Variants in MADCAM1 observed in about 807,000 individuals in gnomAD.
The protein encoded by MADCAM1 is mucosal vascular addressin cell adhesion molecule 1.
In MADCAM1, 19 loss-of-function variants were observed where a neutral mutation model predicts 26.1. The ratio of observed to expected loss-of-function variants is 0.73; its 90% CI spans 0.51 to 1.07. The LOEUF is 1.07. Among genes scored for constraint, MADCAM1 ranks in the 50% least tolerant of loss-of-function variants. MADCAM1 has a pLI of 0.00. For missense variants in MADCAM1, 514 were observed against 542.1 expected, an observed-to-expected ratio of 0.95 and a Z score of 0.51; for synonymous variants, 268 against 260.9, an observed-to-expected ratio of 1.03 and a Z score of -0.26.
At chr19:500,075 CCCCAT>C in intron 3 of MADCAM1, 1 of 455,886 alleles carries the variant, frequency 2.2e-6, no homozygotes, top group Non-Finnish European at 4.4e-6. Context: ...GCCTCAGTCT[CCCCAT>C]CAGTCCCACA....
At position 503,105 on chromosome 19, in the gene MADCAM1, G is replaced by C. The variant is rs527961221; in HGVS notation, c.928+1176G>C. ...AGAGTAAGAAGCTATTATTTCTAGTGTCTATGTCTATTATTTTATTTGTAA... is the reference window on the plus strand; with the variant it reads ...AGAGTAAGAAGCTATTATTTCTAGTCTCTATGTCTATTATTTTATTTGTAA... On this transcript the variant is annotated intron_variant, in intron 4 of 4. Coordinates refer to ENST00000215637, the MANE Select transcript of MADCAM1 (RefSeq NM_130760.3). 2.3e-3 allele frequency among the ~76,000 whole-genome samples: 345 copies of C among 152,314 alleles called. 1 individual carries two copies. Among genetic ancestry groups the C allele is most frequent in the Non-Finnish European group, 4.2e-3 (286 of 68,030 alleles).
chr19:501,981 G>A, intron 4 of MADCAM1, 52 bp downstream of exon 4: 3 of 1,433,250 alleles, frequency 2.1e-6, no homozygotes, highest in African/African-American at 1.4e-5. Context: ...GAGAGCGAGA[G>A]GTTCCTTGGA....
In MADCAM1 at chr19:505,045, C is replaced by G; in HGVS notation, c.*80C>G. ...GAACTGGTCAGGGCAAACCTGCCTCCCATTCTACTCAAAGTCATCCCTCTG... is the reference window on the plus strand; with the variant it reads ...GAACTGGTCAGGGCAAACCTGCCTCGCATTCTACTCAAAGTCATCCCTCTG... On this transcript the variant is annotated 3_prime_UTR_variant, in exon 5 of 5. Coordinates refer to ENST00000215637, the MANE Select transcript of MADCAM1 (RefSeq NM_130760.3). 1 of 1,012,226 alleles carries G rather than the reference C, an allele frequency of 9.9e-7. No individual in the cohort carries two copies. Among genetic ancestry groups the G allele is most frequent in the South Asian group, 1.7e-5 (1 of 59,662 alleles). The allele number at this position is 1,012,226 out of a possible 1,614,324, so 62.7% of individuals were successfully genotyped here.
At position 504,731 on chromosome 19, in the gene MADCAM1, C is replaced by T; in HGVS notation, c.929-14C>T. 1.1e-5 allele frequency: 18 copies of T among 1,585,246 alleles called. No homozygotes were observed. The highest frequency in any genetic ancestry group is 1.6e-5 in the Non-Finnish European group (18 of 1,157,658). ...GGAGGGCTCTGACCGGGGTCTCCTG[C>T]ACTCTCTCCCCAGCGTCCAAACCTG... On this transcript the variant is annotated splice_polypyrimidine_tract_variant and intron_variant, in intron 4 of 4. Transcript: ENST00000215637.
In MADCAM1 at chr19:498,557, C is replaced by T. The variant is rs965214352; in HGVS notation, c.399C>T (p.Ala133=). The change falls in exon 3 of 5, where the codon GCC becomes GCT. Residue 133 remains alanine, a synonymous_variant. Coordinates refer to ENST00000215637, the MANE Select transcript of MADCAM1 (RefSeq NM_130760.3). ...AALVPGDPEV[A]CTAHKVTPVD... ...TGGTGCCTGGTGACCCGGAGGTGGC[C>T]TGTACGGCCCACAAAGTCACGCCCG... The T allele has an allele frequency of 8.8e-6, 13 of 1,477,884 alleles. No individual in the cohort carries two copies. The highest frequency in any genetic ancestry group is 1.2e-5 in the Non-Finnish European group (13 of 1,119,262). 91.5% of individuals were successfully genotyped at this position (1,477,884 alleles called of 1,614,324 possible).
Position 496,561 on chromosome 19 carries a change from G to C in MADCAM1, c.52+10G>C, listed in dbSNP as rs746114819. On this transcript the variant is annotated intron_variant, in intron 1 of 4. Transcript: ENST00000215637. ...CTGGGGCTCCTCCTCGGTGAGAAGG[G>C]GAGGGGGCGCGGGAGAGAGGAGTGA... The C allele has an allele frequency of 6.9e-6, 9 of 1,298,652 alleles. No individual in the cohort carries two copies. The highest frequency in any genetic ancestry group is 8.9e-6 in the Non-Finnish European group (9 of 1,016,122). 80.4% of individuals were successfully genotyped at this position (1,298,652 alleles called of 1,614,324 possible).
intron 4 of MADCAM1, among the ~76,000 whole-genome samples, chr19:503,139 G>C (rs983633346): frequency 1.5e-4 from 23 of 152,198 alleles, no homozygotes; most frequent in African/African-American, 5.5e-4. Context: ...AAATCAAGAC[G>C]AGCTTTGAAG....
Position 501,805 on chromosome 19 carries a change from C to G in MADCAM1, c.804C>G (p.Thr268=), listed in dbSNP as rs755461075. 5 of 1,563,848 alleles carry G rather than the reference C, an allele frequency of 3.2e-6. No homozygotes were observed. Among genetic ancestry groups the G allele is most frequent in the East Asian group, 4.8e-5 (2 of 41,294 alleles). ...CCTCCCCGGAGCCTCCCGACAAGAC[C>G]TCCCCGGAGCCCGCCCCCCAGCAGG... The part of the protein sequence containing the change: ...DTTSPEPPDK[T]SPEPAPQQGS... The change falls in exon 4 of 5, where the codon ACC becomes ACG. Residue 268 remains threonine (T), a synonymous_variant. Coordinates refer to ENST00000215637, the MANE Select transcript of MADCAM1 (RefSeq NM_130760.3).
Position 504,782 on chromosome 19 carries a change from G to C in MADCAM1, c.966G>C (p.Leu322=). Residue 322 remains leucine (L), a synonymous_variant, in exon 5 of 5, where the codon CTG becomes CTC. Transcript: ENST00000215637. ...KPAGDQLPAA[L]WTSSAVLGLL... ...CGGGTGACCAGCTGCCCGCGGCTCT[G>C]TGGACCAGCAGTGCGGTGCTGGGAC... 2 of 1,610,718 alleles carry C rather than the reference G, an allele frequency of 1.2e-6. No homozygotes were observed. Among genetic ancestry groups the C allele is most frequent in the Non-Finnish European group, 8.5e-7 (1 of 1,178,072 alleles).
Position 496,536 on chromosome 19 carries a change from C to A in MADCAM1, c.37C>A (p.Leu13Met). 7.7e-7 allele frequency: 1 copy of A among 1,304,032 alleles called. No homozygotes were observed. The highest frequency in any genetic ancestry group is 3.3e-5 in the South Asian group (1 of 30,628). 80.8% of individuals were successfully genotyped at this position (1,304,032 alleles called of 1,614,324 possible). ...ACTGGCCCTCCTGCTGGCGGGGCTT[C>A]TGGGGCTCCTCCTCGGTGAGAAGGG... is the stretch of plus-strand genomic sequence containing the variant. The part of the protein sequence containing the change: ...FGLALLLAGL[L>M]GLLLGQSLQV... The change falls in exon 1 of 5, where the codon CTG becomes ATG. Residue 13 changes from leucine to methionine, a missense_variant. Physicochemically the swap from Leu to Met is conservative, Grantham distance 15. Transcript: ENST00000215637.
rs770550961 is a variant in MADCAM1, at chr19:504,776, G to T, written c.960G>T (p.Ala320=). The change falls in exon 5 of 5, where the codon GCG becomes GCT. Residue 320 remains alanine (A), a synonymous_variant. Coordinates refer to ENST00000215637, the MANE Select transcript of MADCAM1 (RefSeq NM_130760.3). ...SSKPAGDQLP[A]ALWTSSAVLG... is the part of the protein sequence containing the mutation. ...AACCTGCGGGTGACCAGCTGCCCGC[G>T]GCTCTGTGGACCAGCAGTGCGGTGC... 42 of 1,608,678 alleles carry T rather than the reference G, an allele frequency of 2.6e-5. No individual in the cohort carries two copies. The highest frequency in any genetic ancestry group is 3.5e-5 in the Non-Finnish European group (41 of 1,176,476).
chr19:501,200 A>C (rs1978321825), intron 3 of MADCAM1, among the ~76,000 whole-genome samples: 1 of 150,170 alleles, frequency 6.7e-6, no homozygotes, highest in Non-Finnish European at 1.5e-5. Context: ...AAAAAAAAAA[A>C]CCAGGCCGGG....
Position 498,739 on chromosome 19 carries a change from T to C in MADCAM1, c.581T>C (p.Leu194Pro). Residue 194 changes from leucine to proline, a missense_variant, in exon 3 of 5, where the codon CTG becomes CCG. By Grantham distance (98) the Leu-to-Pro change is moderately conservative. Coordinates refer to ENST00000215637, the MANE Select transcript of MADCAM1 (RefSeq NM_130760.3). ...RVTERWRLPP[L>P]GTPVPPALYC... Reference sequence around the variant, plus strand: ...ACAGAGCGCTGGCGGCTGCCGCCCCTGGGGACCCCTGTCCCGCCCGCCCTC... The same window carrying C: ...ACAGAGCGCTGGCGGCTGCCGCCCCCGGGGACCCCTGTCCCGCCCGCCCTC... 1 of 1,464,942 alleles carries C rather than the reference T, an allele frequency of 6.8e-7. No individual in the cohort carries two copies. The highest frequency in any genetic ancestry group is 9.0e-7 in the Non-Finnish European group (1 of 1,114,908). The allele number at this position is 1,464,942 out of a possible 1,614,324, so 90.7% of individuals were successfully genotyped here. A position where few individuals can be genotyped will look rare whatever the true frequency, so the allele number is the denominator to read the frequency against.
intron 4 of MADCAM1, among the ~76,000 whole-genome samples, chr19:502,465 C>A (rs1978392881): frequency 6.6e-6 from 1 of 152,014 alleles, no homozygotes; most frequent in Non-Finnish European, 1.5e-5. Context: ...CCACTCCCGG[C>A]TAATTTTTGT....
chr19:504,361 T>C (rs1172940890), intron 4 of MADCAM1, among the ~76,000 whole-genome samples: 1 of 149,510 alleles, frequency 6.7e-6, no homozygotes, highest in Non-Finnish European at 1.5e-5. Flanking sequence ...CCTCCCGGGT[T>C]CAAGTGATTC....
At chr19:501,231 A>C (rs1226899619) in intron 3 of MADCAM1, among the ~76,000 whole-genome samples, 1 of 151,096 alleles carries the variant, frequency 6.6e-6, no homozygotes, top group Non-Finnish European at 1.5e-5. Flanking sequence ...CACGCCTGTA[A>C]TCCCAGCACT....
intron 1 of MADCAM1, 41 bp downstream of exon 1, chr19:496,592 G>C (rs750032620): frequency 1.0e-5 from 13 of 1,238,100 alleles, no homozygotes; most frequent in Admixed American, 3.8e-5. Flanking sequence ...AGTGAGTTAG[G>C]AGGGGGCTCA....
chr19:505,089 T>C lies in MADCAM1; in HGVS notation c.*124T>C, dbSNP rs1978552296. On this transcript the variant is annotated 3_prime_UTR_variant, in exon 5 of 5. Transcript: ENST00000215637. ...CCCTCTGTTCACAGAGATGGATGCA[T>C]GTTCTGATTGCCTCTTTGGAGAAGC... 3 of 662,892 alleles carry C rather than the reference T, an allele frequency of 4.5e-6. No individual in the cohort carries two copies. Among genetic ancestry groups the C allele is most frequent in the Non-Finnish European group, 7.3e-6 (3 of 410,470 alleles). The allele number at this position is 662,892 out of a possible 1,614,324, so 41.1% of individuals were successfully genotyped here.
intron 4 of MADCAM1, among the ~76,000 whole-genome samples, chr19:503,351 G>A (rs1383836260): frequency 2.0e-5 from 3 of 151,374 alleles, no homozygotes; most frequent in Non-Finnish European, 4.4e-5. Flanking sequence ...GGAGGCCAAG[G>A]CGGGCGGATC....
Sources: gnomAD v4.1 joint callset for allele counts (sites outside exome capture counted in the v4.1 genomes callset) on GRCh38, gnomAD v4.1.1 for gene constraint, MANE v1.5 for transcripts, NCBI Gene and HGNC (gene_info 2026-07-23, HGNC 2026-07-21) for gene names.